ZCCHC2: variants seen among roughly 807,000 people sequenced by gnomAD.
ZCCHC2 encodes zinc finger CCHC-type containing 2.
A neutral mutation model predicts 103.6 loss-of-function variants in ZCCHC2; 39 were observed. The observed-to-expected ratio is 0.38, with a 90% CI of 0.29 to 0.49. The LOEUF is 0.49. ZCCHC2 is among the 20% of genes least tolerant of loss of function. The probability of loss-of-function intolerance (pLI) is 0.96; values close to 1 mark genes in which losing one functional copy is unlikely to be tolerated. For synonymous variants in ZCCHC2, 687 were observed against 608.9 expected, an observed-to-expected ratio of 1.13 and a Z score of -1.89; for missense variants, 1,483 against 1,491.0, an observed-to-expected ratio of 0.99 and a Z score of 0.09.
At position 62,564,557 on chromosome 18, in the gene ZCCHC2, ATTC is replaced by A; in HGVS notation, c.1687-11_1687-9del. 6.6e-7 allele frequency: 1 copy of A among 1,512,910 alleles called. No individual in the cohort carries two copies. The highest frequency in any genetic ancestry group is 8.9e-7 in the Non-Finnish European group (1 of 1,125,572). 93.7% of individuals were successfully genotyped at this position (1,512,910 alleles called of 1,614,324 possible). On this transcript the variant is annotated splice_polypyrimidine_tract_variant and intron_variant, in intron 9 of 13. Transcript: ENST00000269499. The stretch of plus-strand genomic sequence containing the variant: ...TAGCTTTTGTCTGATTTGTCTTTTT[ATTC>A]TTTCTACTAGCATTCTGCTGAAAAA...
rs750021824 is a variant in ZCCHC2 at position 62,524,175 on chromosome 18, C to T, written c.751C>T (p.Leu251Phe). Reference sequence around the variant, plus strand: ...TGTGGAGCCCCGGGTCGGCGGCGGGCTTGGCTCCAGGGCCCAGGAGGAACT... The same window carrying T: ...TGTGGAGCCCCGGGTCGGCGGCGGGTTTGGCTCCAGGGCCCAGGAGGAACT... ...GIVEPRVGGG[L>F]GSRAQEELLL... Residue 251 changes from leucine (L) to phenylalanine (F), a missense_variant, in exon 1 of 14, where the codon CTT becomes TTT. Around this residue, in one of 3 missense-constraint regions of ZCCHC2, gnomAD observed 568 missense variants for 525.1 expected, o/e 1.08. Coordinates refer to ENST00000269499, the MANE Select transcript of ZCCHC2 (RefSeq NM_017742.6). 1 of 1,547,522 alleles carries T rather than the reference C, an allele frequency of 6.5e-7. No homozygotes were observed. The highest frequency in any genetic ancestry group is 1.2e-5 in the South Asian group (1 of 83,942).
At chr18:62,575,943 G>T (rs951237827) in intron 13 of ZCCHC2, among the ~76,000 whole-genome samples, 3 of 151,420 alleles carry the variant, frequency 2.0e-5, no homozygotes, top group African/African-American at 7.3e-5. Context: ...CTGACATTAG[G>T]TTTTGAGTAA....
intron 6 of ZCCHC2, among the ~76,000 whole-genome samples, chr18:62,557,239 TGTCA>T (rs1316657853): frequency 9.9e-5 from 15 of 152,226 alleles, no homozygotes; most frequent in Non-Finnish European, 2.1e-4. Context: ...ACAAATATTT[TGTCA>T]GTAACATTGG....
downstream of ZCCHC2, chr18:62,578,626 G>A (rs1244837883): frequency 6.6e-6 from 1 of 152,552 alleles, no homozygotes; most frequent in Admixed American, 6.5e-5. Context: ...GTGGAGATAG[G>A]ACATCATACA....
At chr18:62,573,967 G>A in intron 12 of ZCCHC2, 90 bp from the exon 13 acceptor site, 4 of 1,336,420 alleles carry the variant, frequency 3.0e-6, no homozygotes, top group African/African-American at 1.5e-5. Flanking sequence ...CCAAACTTGA[G>A]TTACTTTGAG....
chr18:62,549,098 A>G (rs1394998411), intron 4 of ZCCHC2, among the ~76,000 whole-genome samples: 1 of 152,074 alleles, frequency 6.6e-6, no homozygotes, highest in African/African-American at 2.4e-5. Flanking sequence ...GGGTGCGTGT[A>G]GTCCCAGCTA....
chr18:62,531,582 TA>T (rs11305515), intron 1 of ZCCHC2, among the ~76,000 whole-genome samples: 16,376 of 151,748 alleles, frequency 0.11, 1,296 homozygotes, highest in South Asian at 0.26. Flanking sequence ...AAATGCTTGG[TA>T]AACAAGAAGG....
intron 1 of ZCCHC2, among the ~76,000 whole-genome samples, chr18:62,529,949 A>G (rs1568536917): frequency 1.3e-5 from 2 of 152,330 alleles, no homozygotes; most frequent in African/African-American, 2.4e-5. Context: ...TATAACAGCT[A>G]TTTACATAGC....
intron 3 of ZCCHC2, among the ~76,000 whole-genome samples, chr18:62,544,566 G>C (rs904378948): frequency 1.3e-5 from 2 of 152,080 alleles, no homozygotes; most frequent in Non-Finnish European, 2.9e-5. Context: ...TTTTCAGATA[G>C]GTTTTAAAAA....
rs766424084 is a variant in ZCCHC2, at chr18:62,574,468, C to T, written c.2387C>T (p.Pro796Leu). The change falls in exon 13 of 14, where the codon CCA (proline) becomes CTA (leucine). Residue 796 changes from proline to leucine, a missense_variant. By Grantham distance (98) the Pro-to-Leu change is moderately conservative. This residue lies in a region of ZCCHC2 where 884 missense variants were observed against 907.5 expected (regional missense o/e 0.97). Coordinates refer to ENST00000269499, the MANE Select transcript of ZCCHC2 (RefSeq NM_017742.6). Reference protein sequence around the residue: ...LELLASPLPIPSTFLPHSSTP... With the variant: ...LELLASPLPILSTFLPHSSTP... ...TTACTGGCTTCCCCTTTACCTATTC[C>T]ATCAACCTTCCTTCCACACAGTAGT... 7 of 1,613,954 alleles carry T rather than the reference C, an allele frequency of 4.3e-6. No homozygotes were observed. Among genetic ancestry groups the T allele is most frequent in the Admixed American group, 1.7e-5 (1 of 60,018 alleles).
At chr18:62,525,464 T>C (rs1914339454) in intron 1 of ZCCHC2, 1 of 152,112 alleles carries the variant, frequency 6.6e-6, no homozygotes, top group African/African-American at 2.4e-5. Context: ...TAGGAGATAA[T>C]GGAAAAGGGG....
Position 62,541,288 on chromosome 18 carries a change from A to G in ZCCHC2, c.1052-1210A>G, listed in dbSNP as rs554362634. ...CTGGCCCACAAGCAGGCCACCAAAC[A>G]CTATATATTTGGGAAGTTGACACAA... On this transcript the variant is annotated intron_variant, in intron 2 of 13. Transcript: ENST00000269499. Among the ~76,000 whole-genome samples, 6 of 152,210 alleles carry G rather than the reference A, an allele frequency of 3.9e-5. 1 individual carries two copies. The highest frequency in any genetic ancestry group is 1.4e-4 in the African/African-American group (6 of 41,532).
At chr18:62,582,002 A>C (rs896088998), downstream of ZCCHC2, 1 of 154,536 alleles carries the variant, frequency 6.5e-6, no homozygotes, top group Non-Finnish European at 1.4e-5. Context: ...CAAAAACAGC[A>C]GTGTGTGGTT....
At chr18:62,578,860 TG>T (rs1423700579), downstream of ZCCHC2, among the ~76,000 whole-genome samples, 1 of 152,098 alleles carries the variant, frequency 6.6e-6, no homozygotes, top group African/African-American at 2.4e-5. Context: ...TCTGCCTCCC[TG>T]GATTCAAGCG....
intron 11 of ZCCHC2, among the ~76,000 whole-genome samples, chr18:62,567,918 C>T (rs940286744): frequency 1.1e-4 from 12 of 108,890 alleles, no homozygotes; most frequent in African/African-American, 2.4e-4. Context: ...GTACTCCAGC[C>T]GGGGCGACAG....
rs1914154245 is a variant in ZCCHC2 at position 62,523,537 on chromosome 18, G to C, written c.113G>C (p.Arg38Pro). ...RPGAKAPSRRRRDCRPPPPPP... is the reference protein window; with the variant it reads ...RPGAKAPSRRPRDCRPPPPPP... The stretch of plus-strand genomic sequence containing the variant: ...GGCGCGAAGGCGCCTTCGCGCCGCC[G>C]CCGCGACTGCCGCCCCCCGCCGCCG... Residue 38 changes from arginine (R) to proline (P), a missense_variant, in exon 1 of 14, where the codon CGC (arginine) becomes CCC (proline). Around this residue, in one of 3 missense-constraint regions of ZCCHC2, gnomAD observed 568 missense variants for 525.1 expected, o/e 1.08. Transcript: ENST00000269499. 1.1e-6 allele frequency: 1 copy of C among 938,966 alleles called. No homozygotes were observed. 58.2% of individuals were successfully genotyped at this position (938,966 alleles called of 1,614,324 possible). A position where few individuals can be genotyped will look rare whatever the true frequency, so the allele number is the denominator to read the frequency against.
intron 3 of ZCCHC2, among the ~76,000 whole-genome samples, chr18:62,544,577 G>A (rs1915333733): frequency 6.6e-6 from 1 of 152,048 alleles, no homozygotes; most frequent in African/African-American, 2.4e-5. Flanking sequence ...GTTTTAAAAA[G>A]TGCCATTTTG....
intron 11 of ZCCHC2, among the ~76,000 whole-genome samples, chr18:62,565,973 G>A (rs920745890): frequency 1.3e-5 from 2 of 152,052 alleles, no homozygotes; most frequent in African/African-American, 4.8e-5. Context: ...GGCCAGACAC[G>A]GTGACTCACA....
At chr18:62,561,984 G>T (rs1175077710) in intron 8 of ZCCHC2, among the ~76,000 whole-genome samples, 2 of 151,826 alleles carry the variant, frequency 1.3e-5, no homozygotes, top group Non-Finnish European at 2.9e-5. Context: ...ACCATGTCCC[G>T]TGGTTTTTTT....
Sources: gnomAD v4.1 joint callset for allele counts (sites outside exome capture counted in the v4.1 genomes callset) on GRCh38, gnomAD v4.1.1 for gene constraint, gnomAD v4.1.1 regional missense constraint, MANE v1.5 for transcripts, NCBI Gene and HGNC (gene_info 2026-07-23, HGNC 2026-07-21) for gene names.